The following ZNF143 variants were observed in gnomAD, a reference collection of about 807,000 sequenced individuals.
The protein encoded by ZNF143 is zinc finger protein 143, also known as SPH-binding factor.
Under a neutral mutation model 74.1 loss-of-function variants are expected in ZNF143, and 49 were observed. The ratio of observed to expected loss-of-function variants is 0.66; its 90% CI spans 0.53 to 0.84. The LOEUF (loss-of-function observed/expected upper bound fraction) is 0.84, where lower values mean the gene tolerates loss of function less well. ZNF143 is among the 40% of genes least tolerant of loss of function. The pLI, the probability that ZNF143 is intolerant of heterozygous loss-of-function variation, is 0.00. For missense variants in ZNF143, 637 were observed against 793.4 expected (o/e 0.80, Z 2.37); for synonymous variants, 304 against 282.8 (o/e 1.07, Z -0.75).
chr11:9,461,229 G>A (rs1855807957), intron 1 of ZNF143, among the ~76,000 whole-genome samples, 153 bp downstream of exon 1: 1 of 152,210 alleles, frequency 6.6e-6, no homozygotes, highest in South Asian at 2.1e-4. Context: ...GCCGGCCGCG[G>A]TAGCGGCGTC....
At chr11:9,492,268 G>A (rs945744503) in intron 7 of ZNF143, among the ~76,000 whole-genome samples, 3 of 151,976 alleles carry the variant, frequency 2.0e-5, no homozygotes, top group Admixed American at 6.6e-5. Context: ...ATGCCACAGC[G>A]CCTGGCTAAT....
intron 11 of ZNF143, 97 bp from the exon 12 acceptor site, chr11:9,508,522 T>G (rs1328574614): frequency 3.6e-6 from 4 of 1,102,796 alleles, no homozygotes; most frequent in Non-Finnish European, 5.2e-6. Flanking sequence ...TTGGCAATTC[T>G]TTATTTTTAG....
At chr11:9,518,623 A>G (rs1848803344) in intron 14 of ZNF143, among the ~76,000 whole-genome samples, 2 of 151,692 alleles carry the variant, frequency 1.3e-5, no homozygotes, top group South Asian at 4.2e-4. Flanking sequence ...AGGCTGAGGC[A>G]GGAGAATCGC....
rs371736736 is a variant in ZNF143 at position 9,511,942 on chromosome 11, G to A, written c.1376-506G>A. ...AATTTTTTGTATTTTTAGTAGAGACGGGGTTTCACTGTGTTAGCCAGGATG... is the reference window on the plus strand; with the variant it reads ...AATTTTTTGTATTTTTAGTAGAGACAGGGTTTCACTGTGTTAGCCAGGATG... On this transcript the variant is annotated intron_variant, in intron 12 of 15. Transcript: ENST00000396602. 3.3e-4 allele frequency among the ~76,000 whole-genome samples: 49 copies of A among 147,278 alleles called. No homozygotes were observed. In the South Asian group the frequency reaches 9.4e-3, roughly 28 times the overall value.
chr11:9,526,863 C>T (rs913930572), intron 15 of ZNF143, among the ~76,000 whole-genome samples: 1 of 152,196 alleles, frequency 6.6e-6, no homozygotes, highest in Admixed American at 6.5e-5. Flanking sequence ...CTCGCTCTGT[C>T]ACCCAGGCTG....
rs112739510 is a variant in ZNF143, at chr11:9,486,412, A to AATATATATAATATATTATATATATAAT, written c.645+6874_645+6875insAATATATTATATATATAATATATATAT. On this transcript the variant is annotated intron_variant, in intron 7 of 15. Transcript: ENST00000396602. ...AATATATATAATATATTATATATAT[A>AATATATATAATATATTATATATATAAT]ATATATATTATATATATTATATATA... Among the ~76,000 whole-genome samples the AATATATATAATATATTATATATATAAT allele has an allele frequency of 2.1e-4, 4 of 19,326 alleles. 1 individual carries two copies. Among genetic ancestry groups the AATATATATAATATATTATATATATAAT allele is most frequent in the Non-Finnish European group, 4.1e-4 (4 of 9,844 alleles). The allele number at this position is 19,326 out of a possible 152,430, so 12.7% of individuals were successfully genotyped here.
intron 1 of ZNF143, among the ~76,000 whole-genome samples, chr11:9,462,614 C>A (rs113417222): frequency 7.6e-4 from 115 of 152,112 alleles, no homozygotes; most frequent in Non-Finnish European, 1.3e-3. Flanking sequence ...TGGCTCACAC[C>A]TGTAATCTCA....
At chr11:9,526,811 A>G (rs1849145091) in intron 15 of ZNF143, among the ~76,000 whole-genome samples, 1 of 152,102 alleles carries the variant, frequency 6.6e-6, no homozygotes, top group Non-Finnish European at 1.5e-5. Context: ...GTACAGGTGC[A>G]CGCTGCCATG....
At chr11:9,477,776 C>T (rs1383054010) in intron 5 of ZNF143, among the ~76,000 whole-genome samples, 1 of 152,160 alleles carries the variant, frequency 6.6e-6, no homozygotes, top group Admixed American at 6.6e-5. Flanking sequence ...GATTTCTCTA[C>T]ATATTGATTT....
rs1849083458 is a variant in ZNF143 at position 9,525,291 on chromosome 11, A to T, written c.1738A>T (p.Met580Leu). ...AGCATTCCATACTGCCTCATCAGAAATGGGGCACCAGCAGCATAGCCATCA... is the reference window on the plus strand; with the variant it reads ...AGCATTCCATACTGCCTCATCAGAATTGGGGCACCAGCAGCATAGCCATCA... ...LAAFHTASSE[M>L]GHQQHSHHLV... Residue 580 changes from methionine (M) to leucine (L), a missense_variant, in exon 15 of 16, where the codon ATG (methionine) becomes TTG (leucine). Around this residue, in one of 2 missense-constraint regions of ZNF143, gnomAD observed 344 missense variants for 485.6 expected, o/e 0.71. Coordinates refer to ENST00000396602, the MANE Select transcript of ZNF143 (RefSeq NM_003442.6). 1.2e-6 allele frequency: 2 copies of T among 1,614,088 alleles called. No individual in the cohort carries two copies. Among genetic ancestry groups the T allele is most frequent in the African/African-American group, 1.3e-5 (1 of 74,924 alleles).
At chr11:9,479,656 G>A in intron 7 of ZNF143, 110 bp downstream of exon 7, 1 of 825,702 alleles carries the variant, frequency 1.2e-6, no homozygotes. Flanking sequence ...AATCTCACCA[G>A]TTCAGAAAAA....
intron 14 of ZNF143, among the ~76,000 whole-genome samples, chr11:9,523,278 C>G (rs936842766): frequency 6.6e-6 from 1 of 152,084 alleles, no homozygotes; most frequent in Admixed American, 6.5e-5. Flanking sequence ...AGTCCTGGGA[C>G]GTAATCTTAC....
chr11:9,524,162 T>G (rs1340581942), intron 14 of ZNF143, among the ~76,000 whole-genome samples: 1 of 152,046 alleles, frequency 6.6e-6, no homozygotes, highest in African/African-American at 2.4e-5. Context: ...CTGGCAGCCC[T>G]GGACTCCATT....
chr11:9,522,694 A>ATGTT (rs1352768079), intron 14 of ZNF143, among the ~76,000 whole-genome samples: 5 of 151,732 alleles, frequency 3.3e-5, no homozygotes, highest in Admixed American at 2.6e-4. Flanking sequence ...GGGTCTCACC[A>ATGTT]TGTTGGTCAG....
intron 7 of ZNF143, among the ~76,000 whole-genome samples, chr11:9,493,933 C>T (rs1313332395): frequency 3.3e-5 from 5 of 152,084 alleles, no homozygotes; most frequent in Non-Finnish European, 7.4e-5. Context: ...CTGAAATGAC[C>T]TACCCCTTTC....
intron 7 of ZNF143, among the ~76,000 whole-genome samples, chr11:9,486,395 TA>T (rs1224225574): frequency 0.16 from 3,297 of 21,094 alleles, 398 homozygotes; most frequent in Non-Finnish European, 0.2. Context: ...ATAATATATA[TA>T]ATATATTATA....
At chr11:9,474,077 T>C in intron 4 of ZNF143, 53 bp downstream of exon 4, 1 of 1,423,224 alleles carries the variant, frequency 7.0e-7, no homozygotes, top group Non-Finnish European at 9.9e-7. Flanking sequence ...CAGCTTTTAG[T>C]ATTTGCTACC....
At chr11:9,506,839 G>A (rs559623999) in intron 11 of ZNF143, among the ~76,000 whole-genome samples, 2 of 151,718 alleles carry the variant, frequency 1.3e-5, no homozygotes, top group Non-Finnish European at 2.9e-5. Context: ...TGCAAGGCTC[G>A]TCAGATGACC....
intron 14 of ZNF143, among the ~76,000 whole-genome samples, chr11:9,522,473 G>T (rs970996868): frequency 1.3e-5 from 2 of 152,122 alleles, no homozygotes; most frequent in East Asian, 3.9e-4. Context: ...CTTACAAGTT[G>T]CTGGGAATCT....
Sources: gnomAD v4.1 joint callset for allele counts (sites outside exome capture counted in the v4.1 genomes callset) on GRCh38, gnomAD v4.1.1 for gene constraint, gnomAD v4.1.1 regional missense constraint, MANE v1.5 for transcripts, NCBI Gene and HGNC (gene_info 2026-07-23, HGNC 2026-07-21) for gene names.